FILIP1: variants seen among roughly 807,000 people sequenced by gnomAD.
FILIP1 encodes filamin A interacting protein 1, also known as filamin-A-interacting protein 1.
FILIP1 carries 61 observed loss-of-function variants against 102.1 expected under a neutral mutation model. The ratio of observed to expected loss-of-function variants is 0.60; its 90% CI spans 0.49 to 0.74. FILIP1 has a LOEUF of 0.74. Ranked by LOEUF, FILIP1 falls within the 30% of genes least tolerant of loss-of-function variation. The pLI is 0.00. For synonymous variants in FILIP1, 491 were observed against 526.9 expected, an observed-to-expected ratio of 0.93 and a Z score of 0.93; for missense variants, 1,314 against 1,441.2, an observed-to-expected ratio of 0.91 and a Z score of 1.43.
chr6:75,454,564 C>G (rs1411296336), intron 1 of FILIP1, among the ~76,000 whole-genome samples: 3 of 152,108 alleles, frequency 2.0e-5, no homozygotes, highest in African/African-American at 7.2e-5. Context: ...ATTCTGCCAA[C>G]TAAAAACAGT....
downstream of FILIP1, among the ~76,000 whole-genome samples, chr6:75,307,545 C>T (rs140273443): frequency 4.6e-5 from 7 of 152,248 alleles, no homozygotes; most frequent in Admixed American, 2.0e-4. Flanking sequence ...GCCTTGAACT[C>T]GTTTGTGGTT....
intron 1 of FILIP1, among the ~76,000 whole-genome samples, chr6:75,432,677 ATTATTT>A (rs1301531706): frequency 6.6e-6 from 1 of 151,930 alleles, no homozygotes; most frequent in Non-Finnish European, 1.5e-5. Flanking sequence ...TTACTATTTT[ATTATTT>A]TTATTTTTTT....
chr6:75,312,930 C>A lies in FILIP1; in HGVS notation c.2902G>T (p.Gly968Ter), dbSNP rs756597851. 6.2e-7 allele frequency: 1 copy of A among 1,613,988 alleles called. No individual in the cohort carries two copies. The change falls in exon 5 of 6, where the codon GGA becomes TGA. Residue 968 changes from glycine to a stop codon, truncating the protein, a stop_gained. Transcript: ENST00000237172. LOFTEE classifies it high-confidence loss of function. ...PNVMPQKQKS[G>*]DTTLGPERAM... is the part of the protein sequence containing the mutation. ...CGTTCTGGGCCAAGAGTAGTATCTC[C>A]ACTTTTTTGTTTTTGAGGCATAACG...
chr6:75,301,237 A>G (rs368849164), intron 6 of FILIP1, among the ~76,000 whole-genome samples: 13 of 152,352 alleles, frequency 8.5e-5, no homozygotes, highest in African/African-American at 3.1e-4. Flanking sequence ...GTTTCTATAT[A>G]GATGTCTTAG....
At chr6:75,475,601 T>C (rs1779452351) in intron 1 of FILIP1, among the ~76,000 whole-genome samples, 1 of 152,194 alleles carries the variant, frequency 6.6e-6, no homozygotes, top group Non-Finnish European at 1.5e-5. Context: ...GTGGGTAGAT[T>C]TTTTAATTTC....
At chr6:75,442,460 C>A (rs1444284967) in intron 1 of FILIP1, among the ~76,000 whole-genome samples, 2 of 152,228 alleles carry the variant, frequency 1.3e-5, no homozygotes, top group Admixed American at 6.5e-5. Context: ...CCAGCCTGGG[C>A]ACCATTGAGC....
At chr6:75,463,326 C>T (rs1032619325) in intron 1 of FILIP1, among the ~76,000 whole-genome samples, 3 of 152,138 alleles carry the variant, frequency 2.0e-5, no homozygotes, top group Non-Finnish European at 2.9e-5. Context: ...GAATAAACAA[C>T]CAAGCCATTG....
intron 4 of FILIP1, among the ~76,000 whole-genome samples, chr6:75,327,258 T>C (rs1773894573): frequency 6.6e-6 from 1 of 152,184 alleles, no homozygotes; most frequent in Non-Finnish European, 1.5e-5. Context: ...TTTCAAAATA[T>C]ATCCTGAATC....
chr6:75,445,194 A>G (rs1778405341), intron 1 of FILIP1, among the ~76,000 whole-genome samples: 2 of 152,104 alleles, frequency 1.3e-5, no homozygotes, highest in African/African-American at 2.4e-5. Context: ...TTTCAACACA[A>G]AAGTGGTTTT....
At chr6:75,411,778 T>C (rs1183914386) in intron 2 of FILIP1, among the ~76,000 whole-genome samples, 2 of 152,154 alleles carry the variant, frequency 1.3e-5, no homozygotes, top group African/African-American at 4.8e-5. Context: ...GGTCTAGATA[T>C]CTGTTTTGGT....
intron 4 of FILIP1, among the ~76,000 whole-genome samples, chr6:75,349,169 C>A (rs1774697509): frequency 6.6e-6 from 1 of 152,194 alleles, no homozygotes; most frequent in African/African-American, 2.4e-5. Flanking sequence ...ATTCAAACAA[C>A]ATCAAACATC....
intron 4 of FILIP1, among the ~76,000 whole-genome samples, chr6:75,323,593 A>T (rs1773734559): frequency 6.6e-6 from 1 of 152,098 alleles, no homozygotes; most frequent in South Asian, 2.1e-4. Context: ...TGACAAGAAA[A>T]CTTTTTCTGG....
intron 2 of FILIP1, chr6:75,367,675 GTCAA>G (rs1180698885): frequency 6.6e-6 from 1 of 151,958 alleles, no homozygotes; most frequent in Non-Finnish European, 1.5e-5. Context: ...TAATAAAATA[GTCAA>G]TCAATAATAT....
intron 4 of FILIP1, chr6:75,319,465 C>T (rs1288377043): frequency 6.6e-6 from 4 of 605,426 alleles, no homozygotes; most frequent in South Asian, 2.7e-5. Context: ...GGGCCTTGTC[C>T]GCCTTTGCCA....
chr6:75,292,781 G>A (rs1344596799), exon 7 of FILIP1: 1 of 151,958 alleles, frequency 6.6e-6, no homozygotes, highest in Non-Finnish European at 1.5e-5. Context: ...CCCTACTTTT[G>A]CTATGTTTTT....
chr6:75,375,419 G>T (rs116370194), intron 2 of FILIP1, among the ~76,000 whole-genome samples: 2 of 152,304 alleles, frequency 1.3e-5, no homozygotes, highest in African/African-American at 4.8e-5. Context: ...TACAGGGGCA[G>T]CCATCAGACC....
intron 2 of FILIP1, among the ~76,000 whole-genome samples, chr6:75,380,723 C>T (rs139272187): frequency 6.6e-6 from 1 of 151,566 alleles, no homozygotes; most frequent in African/African-American, 2.4e-5. Context: ...TACAGTACAC[C>T]CATAGAATAA....
At chr6:75,482,715 G>A (rs940420278) in intron 1 of FILIP1, among the ~76,000 whole-genome samples, 2 of 152,030 alleles carry the variant, frequency 1.3e-5, no homozygotes, top group African/African-American at 4.8e-5. Context: ...TGACCATAAA[G>A]GTTTAGAGAA....
intron 2 of FILIP1, among the ~76,000 whole-genome samples, chr6:75,379,976 CT>C (rs1390060268): frequency 6.6e-6 from 1 of 152,102 alleles, no homozygotes; most frequent in African/African-American, 2.4e-5. Context: ...TCCTTAAGGA[CT>C]GAGATTTTTT....
Sources: allele counts gnomAD v4.1 joint callset (sites outside exome capture counted in the v4.1 genomes callset), GRCh38; gene constraint gnomAD v4.1.1; transcripts MANE v1.5; gene names NCBI Gene and HGNC (gene_info 2026-07-23, HGNC 2026-07-21).